SETD3: variants seen among roughly 807,000 people sequenced by gnomAD.
SETD3 encodes the protein SET domain containing 3, actin N3(tau)-histidine methyltransferase.
SETD3 carries 19 observed loss-of-function variants against 63.0 expected under a neutral mutation model. That is an observed-to-expected ratio of 0.30 (90% CI 0.21 to 0.44). The LOEUF (loss-of-function observed/expected upper bound fraction) is 0.44. Among genes scored for constraint, SETD3 ranks in the 20% least tolerant of loss-of-function variants. SETD3 has a pLI of 1.00. For missense variants in SETD3, 587 were observed against 728.5 expected (o/e 0.81, Z 2.24); for synonymous variants, 286 against 264.1 (o/e 1.08, Z -0.80).
chr14:99,469,390 C>T (rs942028783), intron 1 of SETD3, among the ~76,000 whole-genome samples: 1 of 152,226 alleles, frequency 6.6e-6, no homozygotes, highest in African/African-American at 2.4e-5. Context: ...ATTTCCCTGC[C>T]TACAAGTCCT....
At chr14:99,432,127 A>T (rs1480182749) in intron 6 of SETD3, among the ~76,000 whole-genome samples, 2 of 152,174 alleles carry the variant, frequency 1.3e-5, no homozygotes, top group Non-Finnish European at 2.9e-5. Context: ...GGTCAGTTTT[A>T]TGGGAGACCT....
intron 6 of SETD3, among the ~76,000 whole-genome samples, chr14:99,452,668 C>T (rs1894524590): frequency 6.6e-6 from 1 of 152,104 alleles, no homozygotes; most frequent in South Asian, 2.1e-4. Flanking sequence ...ACCCTAAAAG[C>T]CTGAAGCAAG....
chr14:99,471,645 CA>C (rs1415810005), intron 1 of SETD3, among the ~76,000 whole-genome samples: 1 of 151,668 alleles, frequency 6.6e-6, no homozygotes, highest in African/African-American at 2.4e-5. Context: ...AATCCTGTCT[CA>C]AAAAAAACTT....
intron 6 of SETD3, among the ~76,000 whole-genome samples, chr14:99,433,883 C>T (rs1351152830): frequency 6.6e-6 from 1 of 152,190 alleles, no homozygotes; most frequent in Admixed American, 6.5e-5. Flanking sequence ...TACTACATGT[C>T]CATCAGAATA....
At chr14:99,439,999 G>A (rs949574059) in intron 6 of SETD3, among the ~76,000 whole-genome samples, 4 of 151,858 alleles carry the variant, frequency 2.6e-5, no homozygotes, top group African/African-American at 9.7e-5. Context: ...CGCCATGTTG[G>A]GGTTTCACCA....
rs1891203557 is a variant in SETD3, at chr14:99,398,517, T to C, written c.*162A>G. The C allele has an allele frequency of 1.0e-5, 7 of 675,788 alleles. No individual in the cohort carries two copies. The highest frequency in any genetic ancestry group is 3.6e-5 in the African/African-American group (2 of 55,374). 41.9% of individuals were successfully genotyped at this position (675,788 alleles called of 1,614,324 possible). On this transcript the variant is annotated 3_prime_UTR_variant, in exon 13 of 13. Coordinates refer to ENST00000331768, the MANE Select transcript of SETD3 (RefSeq NM_032233.3). ...GGCAATCTTAATCAAAAAGGGAAGC[T>C]AGATTTTTAAAATAACTTAAAAAAA...
chr14:99,406,489 C>T, intron 9 of SETD3, 27 bp downstream of exon 9: 2 of 1,611,624 alleles, frequency 1.2e-6, no homozygotes, highest in Non-Finnish European at 1.7e-6. Flanking sequence ...GGCTGGCTCA[C>T]ATTTTGTGAG....
chr14:99,411,759 A>G (rs1184012416), intron 8 of SETD3: 1 of 152,244 alleles, frequency 6.6e-6, no homozygotes, highest in Non-Finnish European at 1.5e-5. Context: ...AATTATATTC[A>G]TTAATGAAAA....
At chr14:99,447,457 G>A (rs550769770) in intron 6 of SETD3, among the ~76,000 whole-genome samples, 1 of 152,346 alleles carries the variant, frequency 6.6e-6, no homozygotes, top group Non-Finnish European at 1.5e-5. Flanking sequence ...TTATGGAAAT[G>A]ATGAAAATGA....
At chr14:99,451,421 T>C (rs1894452513) in intron 6 of SETD3, among the ~76,000 whole-genome samples, 1 of 152,240 alleles carries the variant, frequency 6.6e-6, no homozygotes. Flanking sequence ...ACTTAGCTTC[T>C]GGAGTTTGGG....
chr14:99,429,678 AAACATGTG>A (rs1893067968), intron 6 of SETD3, among the ~76,000 whole-genome samples: 1 of 152,182 alleles, frequency 6.6e-6, no homozygotes, highest in Non-Finnish European at 1.5e-5. Flanking sequence ...AAGTTCTTTG[AAACATGTG>A]CTCTGTACTC....
At chr14:99,456,504 TC>T (rs1403673406) in intron 6 of SETD3, among the ~76,000 whole-genome samples, 1 of 152,212 alleles carries the variant, frequency 6.6e-6, no homozygotes, top group African/African-American at 2.4e-5. Flanking sequence ...TTCTTATTAG[TC>T]ATGTAGGAAT....
Position 99,477,598 on chromosome 14 carries a change from T to C in SETD3, c.-9+3130A>G, listed in dbSNP as rs368044634. Among the ~76,000 whole-genome samples the C allele has an allele frequency of 3.9e-5, 6 of 152,006 alleles. No individual in the cohort carries two copies. The East Asian group carries it at 1.2e-3, about 29-fold the overall frequency. On this transcript the variant is annotated intron_variant, in intron 1 of 12. Transcript: ENST00000331768. ...GGAGAAACCCTTTCTCTATTAAAAATACAAAATTAGCCAGGCGTGGTGGCG... is the reference window on the plus strand; with the variant it reads ...GGAGAAACCCTTTCTCTATTAAAAACACAAAATTAGCCAGGCGTGGTGGCG...
chr14:99,475,788 T>G (rs764250476), intron 1 of SETD3, among the ~76,000 whole-genome samples: 8 of 152,208 alleles, frequency 5.3e-5, no homozygotes, highest in Non-Finnish European at 1.2e-4. Flanking sequence ...ATGAGCCCAG[T>G]GAATTCATTC....
intron 6 of SETD3, among the ~76,000 whole-genome samples, chr14:99,435,735 C>A (rs556917891): frequency 1.6e-5 from 2 of 128,630 alleles, no homozygotes; most frequent in Non-Finnish European, 3.1e-5. Context: ...AGGTTCCCCA[C>A]CCCCCCACCT....
chr14:99,406,976 C>T (rs1036076693), intron 8 of SETD3, among the ~76,000 whole-genome samples: 2 of 152,194 alleles, frequency 1.3e-5, no homozygotes, highest in Non-Finnish European at 2.9e-5. Context: ...ACGATCTGCA[C>T]TATTCTCATT....
chr14:99,434,739 C>G (rs1300279652), intron 6 of SETD3, among the ~76,000 whole-genome samples: 1 of 149,084 alleles, frequency 6.7e-6, no homozygotes, highest in Non-Finnish European at 1.5e-5. Context: ...CCCAGCTACT[C>G]GGGAGGCTAA....
intron 9 of SETD3, 86 bp downstream of exon 9, chr14:99,406,430 T>A: frequency 8.0e-7 from 1 of 1,256,360 alleles, no homozygotes; most frequent in Non-Finnish European, 1.2e-6. Flanking sequence ...TCCCCTAAGT[T>A]AAGTTCCTTT....
intron 6 of SETD3, among the ~76,000 whole-genome samples, chr14:99,414,237 G>C (rs1022043496): frequency 6.6e-6 from 1 of 152,370 alleles, no homozygotes; most frequent in Non-Finnish European, 1.5e-5. Context: ...AGGCAGGCAC[G>C]CCTACGCGAT....
Sources: gnomAD v4.1 joint callset for allele counts (sites outside exome capture counted in the v4.1 genomes callset) on GRCh38, gnomAD v4.1.1 for gene constraint, MANE v1.5 for transcripts, NCBI Gene and HGNC (gene_info 2026-07-23, HGNC 2026-07-21) for gene names.